The following AFF2 variants were observed in gnomAD, a reference collection of about 807,000 sequenced individuals.
AFF2 encodes ALF transcription elongation factor 2, also known as AF4/FMR2 family member 2.
A neutral mutation model predicts 76.9 loss-of-function variants in AFF2; 14 were observed. The ratio of observed to expected loss-of-function variants is 0.18; its 90% CI spans 0.12 to 0.28. The LOEUF (loss-of-function observed/expected upper bound fraction) is 0.28. Among genes scored for constraint, AFF2 ranks in the 10% least tolerant of loss-of-function variants. The pLI is 1.00. For synonymous variants in AFF2, 398 were observed against 366.7 expected, an observed-to-expected ratio of 1.09 and a Z score of -0.98; for missense variants, 868 against 1,001.1, an observed-to-expected ratio of 0.87 and a Z score of 1.79.
intron 1 of AFF2, among the ~76,000 whole-genome samples, chrX:148,562,876 G>T (rs2053129488): frequency 4.5e-5 from 5 of 111,742 alleles, no homozygotes; most frequent in Non-Finnish European, 9.4e-5. Context: ...TTCAGTCAGG[G>T]TCTGCAGACA....
At chrX:148,949,111 C>CT (rs1255805375) in intron 9 of AFF2, among the ~76,000 whole-genome samples, 44 of 110,678 alleles carry the variant, frequency 4.0e-4, no homozygotes, top group African/African-American at 1.3e-3. Flanking sequence ...ATATGTGCCT[C>CT]TCCCCCCATC....
chrX:148,917,501 A>C (rs1241133004), intron 9 of AFF2, among the ~76,000 whole-genome samples: 3 of 112,683 alleles, frequency 2.7e-5, no homozygotes, highest in Admixed American at 9.4e-5. Flanking sequence ...CACAGCAGCC[A>C]GTTTCAGAAC....
In AFF2 at chrX:148,754,051, A is replaced by G. The variant is rs1330538983; in HGVS notation, c.1042-55825A>G. On this transcript the variant is annotated intron_variant, in intron 3 of 20. Coordinates refer to ENST00000370460, the MANE Select transcript of AFF2 (RefSeq NM_002025.4). ...GGTTTGATCAAGAGCTTCCCATCCA[A>G]TCAATCATGGCTATGATCAAAAGTA... Among the ~76,000 whole-genome samples, 4 of 111,573 alleles carry G rather than the reference A, an allele frequency of 3.6e-5. No individual in the cohort carries two copies. The East Asian group carries it at 8.5e-4, about 24-fold the overall frequency.
chrX:148,586,652 C>G (rs2053472630), intron 1 of AFF2, among the ~76,000 whole-genome samples: 1 of 112,007 alleles, frequency 8.9e-6, no homozygotes, highest in African/African-American at 3.2e-5. Flanking sequence ...AGATATTGGA[C>G]TAATAAGAGA....
chrX:148,699,973 GA>G (rs1337781111), intron 3 of AFF2, among the ~76,000 whole-genome samples: 1 of 111,832 alleles, frequency 8.9e-6, no homozygotes, highest in African/African-American at 3.3e-5. Context: ...CATTTCACCT[GA>G]AGGTTACATA....
chrX:148,511,532 G>T (rs1302448522), intron 1 of AFF2, among the ~76,000 whole-genome samples: 1 of 112,600 alleles, frequency 8.9e-6, no homozygotes, highest in Non-Finnish European at 1.9e-5. Flanking sequence ...GTGCAGAAAA[G>T]TTTCCACACG....
intron 4 of AFF2, 125 bp from the exon 5 acceptor site, chrX:148,837,522 C>A: frequency 2.7e-6 from 1 of 371,004 alleles, no homozygotes; most frequent in South Asian, 4.8e-5. Flanking sequence ...ACTTTAAATT[C>A]ACCTTAAGTA....
intron 3 of AFF2, among the ~76,000 whole-genome samples, chrX:148,767,961 G>A (rs1193676634): frequency 9.1e-6 from 1 of 109,479 alleles, no homozygotes; most frequent in East Asian, 2.9e-4. Flanking sequence ...GATGAGCCTT[G>A]CCTATGTAAT....
chrX:148,778,399 G>A (rs1476490236), intron 3 of AFF2, among the ~76,000 whole-genome samples: 3 of 111,060 alleles, frequency 2.7e-5, no homozygotes, highest in Non-Finnish European at 3.8e-5. Flanking sequence ...TTTTTTTTCT[G>A]TTGTTTGGAA....
intron 8 of AFF2, among the ~76,000 whole-genome samples, chrX:148,888,877 G>A (rs1235558508): frequency 9.0e-6 from 1 of 111,653 alleles, no homozygotes; most frequent in Middle Eastern, 4.2e-3. Flanking sequence ...AAATGAATTG[G>A]TCCATAAAAC....
intron 3 of AFF2, among the ~76,000 whole-genome samples, chrX:148,711,075 G>A (rs2054961076): frequency 1.8e-5 from 2 of 111,758 alleles, no homozygotes; most frequent in African/African-American, 6.5e-5. Flanking sequence ...TCATTAAAAT[G>A]CTTAATTTGC....
chrX:148,746,644 C>CCATT (rs782425747), intron 3 of AFF2, among the ~76,000 whole-genome samples: 15 of 112,674 alleles, frequency 1.3e-4, no homozygotes, highest in African/African-American at 4.2e-4. Flanking sequence ...GTCAATTCTC[C>CCATT]CATTCATTCA....
chrX:148,894,896 GAT>G (rs1160152462), intron 8 of AFF2, among the ~76,000 whole-genome samples: 5 of 107,936 alleles, frequency 4.6e-5, no homozygotes, highest in Middle Eastern at 4.8e-3. Flanking sequence ...GAGATAGATA[GAT>G]ATATATATAT....
intron 1 of AFF2, among the ~76,000 whole-genome samples, chrX:148,638,782 C>T (rs1251592623): frequency 2.7e-5 from 3 of 111,166 alleles, no homozygotes; most frequent in Non-Finnish European, 5.7e-5. Context: ...AGTACAGCAC[C>T]AAGCCATGAG....
At chrX:148,801,128 C>G (rs782717754) in intron 3 of AFF2, among the ~76,000 whole-genome samples, 1 of 111,791 alleles carries the variant, frequency 8.9e-6, no homozygotes, top group Non-Finnish European at 1.9e-5. Context: ...CCTACTCCTG[C>G]GCTTTCTGCT....
At chrX:148,739,370 G>A (rs2055322687) in intron 3 of AFF2, among the ~76,000 whole-genome samples, 1 of 111,882 alleles carries the variant, frequency 8.9e-6, no homozygotes, top group African/African-American at 3.3e-5. Context: ...ATTATATAAT[G>A]TCCCTCTCTG....
At chrX:148,708,521 A>C (rs1187513495) in intron 3 of AFF2, among the ~76,000 whole-genome samples, 2 of 112,077 alleles carry the variant, frequency 1.8e-5, no homozygotes, top group African/African-American at 3.2e-5. Flanking sequence ...AGTCACTAGA[A>C]ATATGGTAAT....
chrX:148,753,369 A>G (rs1345335595), intron 3 of AFF2, among the ~76,000 whole-genome samples: 1 of 111,816 alleles, frequency 8.9e-6, no homozygotes, highest in Non-Finnish European at 1.9e-5. Context: ...TGCTGAGAAA[A>G]TTATAAGCTG....
intron 4 of AFF2, among the ~76,000 whole-genome samples, chrX:148,819,841 T>C (rs1557272423): frequency 8.9e-6 from 1 of 111,815 alleles, no homozygotes; most frequent in Non-Finnish European, 1.9e-5. Context: ...AGGTTGAGAT[T>C]TACATTATGT....
Sources: gnomAD v4.1 joint callset for allele counts (sites outside exome capture counted in the v4.1 genomes callset) on GRCh38, gnomAD v4.1.1 for gene constraint, MANE v1.5 for transcripts, NCBI Gene and HGNC (gene_info 2026-07-23, HGNC 2026-07-21) for gene names.